GUCY1A2: variants seen among roughly 807,000 people sequenced by gnomAD.
GUCY1A2 encodes guanylate cyclase 1 soluble subunit alpha 2.
A neutral mutation model predicts 63.5 loss-of-function variants in GUCY1A2; 27 were observed. That is an observed-to-expected ratio of 0.43 (90% confidence interval 0.31 to 0.59). The LOEUF is 0.59. Ranked by LOEUF, GUCY1A2 falls within the 20% of genes least tolerant of loss-of-function variation. The pLI, the probability that GUCY1A2 is intolerant of heterozygous loss-of-function variation, is 0.11. For synonymous variants in GUCY1A2, 364 were observed against 343.5 expected (o/e 1.06, Z -0.66); for missense variants, 768 against 913.3 (o/e 0.84, Z 2.05).
intron 4 of GUCY1A2, among the ~76,000 whole-genome samples, chr11:106,817,363 G>T (rs767291964): frequency 3.1e-4 from 47 of 151,990 alleles, no homozygotes; most frequent in South Asian, 4.1e-4. Flanking sequence ...TATAACTTTA[G>T]TTCCAATAGT....
chr11:106,677,693 C>T lies in GUCY1A2; in HGVS notation c.*9856G>A. 4.8e-6 allele frequency: 1 copy of T among 209,082 alleles called. No homozygotes were observed. The highest frequency in any genetic ancestry group is 1.9e-4 in the South Asian group (1 of 5,304). The allele number at this position is 209,082 out of a possible 1,614,324, so 13.0% of individuals were successfully genotyped here. A position where few individuals can be genotyped will look rare whatever the true frequency, so the allele number is the denominator to read the frequency against. On this transcript the variant is annotated 3_prime_UTR_variant, in exon 8 of 8. Transcript: ENST00000526355. ...GTGTTTAAAAATCTATTTATCCTTA[C>T]CATCTATTTTCAGCTTGCCTCTAGG...
chr11:107,000,087 A>G (rs2120179262), intron 1 of GUCY1A2, among the ~76,000 whole-genome samples: 1 of 152,310 alleles, frequency 6.6e-6, no homozygotes, highest in Non-Finnish European at 1.5e-5. Flanking sequence ...AATCCCATCC[A>G]TTCTCCTTCA....
intron 4 of GUCY1A2, among the ~76,000 whole-genome samples, chr11:106,883,145 T>A (rs1185944192): frequency 6.6e-6 from 1 of 152,010 alleles, no homozygotes; most frequent in Non-Finnish European, 1.5e-5. Flanking sequence ...CTGAACCACT[T>A]AAATTCATTC....
In GUCY1A2 at chr11:106,676,886, C is replaced by G. The variant is rs944955910; in HGVS notation, c.*10663G>C. 1.5e-5 allele frequency: 3 copies of G among 204,166 alleles called. No individual in the cohort carries two copies. The highest frequency in any genetic ancestry group is 6.9e-5 in the African/African-American group (3 of 43,670). 12.6% of individuals were successfully genotyped at this position (204,166 alleles called of 1,614,324 possible). On this transcript the variant is annotated 3_prime_UTR_variant, in exon 8 of 8. Coordinates refer to ENST00000526355, the MANE Select transcript of GUCY1A2 (RefSeq NM_000855.3). ...AGGAGATTGTCCAAACAGATTGACC[C>G]TGATACTTCTTGAAAAAGTGTTTAA...
In GUCY1A2 at chr11:106,781,380, G is replaced by A. The variant is rs115539171; in HGVS notation, c.1693-4798C>T. Among the ~76,000 whole-genome samples the A allele has an allele frequency of 7.7e-3, 1,166 of 152,266 alleles. 8 individuals carry two copies. Among genetic ancestry groups the A allele is most frequent in the African/African-American group, 0.026 (1,089 of 41,542 alleles). On this transcript the variant is annotated intron_variant, in intron 5 of 7. Transcript: ENST00000526355. ...ACATTATTTTCTGAACATAGAAGAG[G>A]AGGCTTAAGTACTAAAAATACATAC...
chr11:106,767,705 TA>T (rs1255828431), intron 6 of GUCY1A2, among the ~76,000 whole-genome samples: 1 of 152,026 alleles, frequency 6.6e-6, no homozygotes, highest in East Asian at 1.9e-4. Context: ...TGTAAGGTAT[TA>T]AGGATGCTCT....
rs775712059 is a variant in GUCY1A2, at chr11:106,708,541, C to T, written c.1962G>A (p.Arg654=). The T allele has an allele frequency of 5.0e-6, 8 of 1,612,374 alleles. No individual in the cohort carries two copies. The Admixed American group carries it at 1.3e-4, about 27-fold the overall frequency. The change falls in exon 7 of 8, where the codon CGG becomes CGA. Residue 654 remains arginine, a synonymous_variant. Coordinates refer to ENST00000526355, the MANE Select transcript of GUCY1A2 (RefSeq NM_000855.3). ...ASKFESGSHP[R]RINVSPTTYQ... is the part of the protein sequence containing the mutation. Reference sequence around the variant, plus strand: ...AAGTGGTTGGGCTGACATTGATGCGCCGAGGGTGACTTCCCGACTCGAATT... The same window carrying T: ...AAGTGGTTGGGCTGACATTGATGCGTCGAGGGTGACTTCCCGACTCGAATT...
rs1343408818 is a variant in GUCY1A2, at chr11:107,008,110, C to T, written c.303+9643G>A. Among the ~76,000 whole-genome samples, 9 of 149,252 alleles carry T rather than the reference C, an allele frequency of 6.0e-5. 1 individual carries two copies. The highest frequency in any genetic ancestry group is 2.2e-4 in the African/African-American group (9 of 41,296). On this transcript the variant is annotated intron_variant, in intron 1 of 7. Coordinates refer to ENST00000526355, the MANE Select transcript of GUCY1A2 (RefSeq NM_000855.3). ...CCAGGCCCAGCCAATATGGCGAAAC[C>T]CCTAATAAACATACAAAAATTAGCC... is the stretch of plus-strand genomic sequence containing the variant.
intron 5 of GUCY1A2, among the ~76,000 whole-genome samples, chr11:106,795,427 A>G (rs1048440856): frequency 6.6e-6 from 1 of 152,188 alleles, no homozygotes; most frequent in Non-Finnish European, 1.5e-5. Context: ...AAGCTATCCA[A>G]TATTAAACTC....
At chr11:106,694,261 T>G (rs1005290040) in intron 7 of GUCY1A2, among the ~76,000 whole-genome samples, 8 of 152,334 alleles carry the variant, frequency 5.3e-5, no homozygotes, top group African/African-American at 1.9e-4. Flanking sequence ...CTCCCATATT[T>G]ACCTTCCTGA....
intron 4 of GUCY1A2, among the ~76,000 whole-genome samples, chr11:106,935,893 A>G (rs1860670242): frequency 6.6e-6 from 1 of 151,982 alleles, no homozygotes. Flanking sequence ...AATCATGATC[A>G]ATTGACCTCA....
intron 5 of GUCY1A2, among the ~76,000 whole-genome samples, chr11:106,781,742 A>C (rs1182670440): frequency 2.1e-5 from 3 of 139,576 alleles, no homozygotes; most frequent in African/African-American, 7.8e-5. Context: ...TTTTTTTTTT[A>C]ATTTTTGTAG....
chr11:106,870,171 G>T (rs1351727801), intron 4 of GUCY1A2, among the ~76,000 whole-genome samples: 2 of 151,510 alleles, frequency 1.3e-5, no homozygotes, highest in Non-Finnish European at 2.9e-5. Context: ...GAGTTAATGG[G>T]TGTTGCACAC....
chr11:106,893,779 C>T (rs1031669818), intron 4 of GUCY1A2, among the ~76,000 whole-genome samples: 1 of 152,022 alleles, frequency 6.6e-6, no homozygotes, highest in Non-Finnish European at 1.5e-5. Flanking sequence ...GGAACCAGTG[C>T]CACAGTAGAG....
intron 1 of GUCY1A2, among the ~76,000 whole-genome samples, chr11:106,996,142 TCCAGGCAAAGTA>T (rs1861532266): frequency 6.6e-6 from 1 of 152,142 alleles, no homozygotes; most frequent in Non-Finnish European, 1.5e-5. Flanking sequence ...TGGGTTTCAC[TCCAGGCAAAGTA>T]GGCCATTGAG....
intron 4 of GUCY1A2, among the ~76,000 whole-genome samples, chr11:106,889,326 A>C (rs1859944092): frequency 6.6e-6 from 1 of 152,214 alleles, no homozygotes; most frequent in Admixed American, 6.5e-5. Flanking sequence ...TGGAGATAGA[A>C]GCTTCAAGAC....
chr11:106,693,979 T>C (rs1324365780), intron 7 of GUCY1A2, among the ~76,000 whole-genome samples: 1 of 152,214 alleles, frequency 6.6e-6, no homozygotes, highest in Non-Finnish European at 1.5e-5. Flanking sequence ...CTAATGTCTG[T>C]AAATATCTTT....
chr11:106,900,709 A>C (rs7113588), intron 4 of GUCY1A2, among the ~76,000 whole-genome samples: 1 of 132,350 alleles, frequency 7.6e-6, no homozygotes, highest in African/African-American at 2.8e-5. Context: ...AGGGAGTCAC[A>C]TGAATTTTTT....
intron 5 of GUCY1A2, among the ~76,000 whole-genome samples, chr11:106,781,634 G>A (rs1242042855): frequency 6.6e-6 from 1 of 151,892 alleles, no homozygotes; most frequent in Non-Finnish European, 1.5e-5. Context: ...CATGATGTGG[G>A]CTCTCTGCAA....
Sources: gnomAD v4.1 joint callset for allele counts (sites outside exome capture counted in the v4.1 genomes callset) on GRCh38, gnomAD v4.1.1 for gene constraint, MANE v1.5 for transcripts, NCBI Gene and HGNC (gene_info 2026-07-23, HGNC 2026-07-21) for gene names.